BRD7: variants seen among roughly 807,000 people sequenced by gnomAD.
BRD7 encodes the protein bromodomain-containing protein 7.
Under a neutral mutation model 82.1 loss-of-function variants are expected in BRD7, and 15 were observed. The ratio of observed to expected loss-of-function variants is 0.18; its 90% CI spans 0.12 to 0.28. BRD7 has a LOEUF of 0.28. Among genes scored for constraint, BRD7 ranks in the 10% least tolerant of loss-of-function variants. BRD7 has a pLI of 1.00. For synonymous variants in BRD7, 232 were observed against 266.9 expected (o/e 0.87, Z 1.27); for missense variants, 638 against 779.9 (o/e 0.82, Z 2.17).
chr16:50,323,374 A>G (rs1464729964), intron 12 of BRD7, among the ~76,000 whole-genome samples: 2 of 152,150 alleles, frequency 1.3e-5, no homozygotes, highest in Non-Finnish European at 2.9e-5. Context: ...AGATGAGGAG[A>G]TAAGGATAAC....
At position 50,354,020 on chromosome 16, in the gene BRD7, C is replaced by T. The variant is rs115535224; in HGVS notation, c.446+405G>A. Among the ~76,000 whole-genome samples the T allele has an allele frequency of 9.0e-3, 1,373 of 152,230 alleles. 22 individuals carry two copies. Among genetic ancestry groups the T allele is most frequent in the African/African-American group, 0.031 (1,302 of 41,554 alleles). On this transcript the variant is annotated intron_variant, in intron 4 of 16. Coordinates refer to ENST00000394688, the MANE Select transcript of BRD7 (RefSeq NM_013263.5). ...TGCATTTAAAAGAAGGCCATAATTC[C>T]TATTTATGGTGTTTTATTTTTTCTC...
At chr16:50,360,921 C>A (rs1001337143) in intron 2 of BRD7, among the ~76,000 whole-genome samples, 8 of 152,148 alleles carry the variant, frequency 5.3e-5, no homozygotes, top group Middle Eastern at 3.2e-3. Flanking sequence ...GGTTTTCTGC[C>A]AAGGCAGATA....
Position 50,318,249 on chromosome 16 carries a change from G to GAATT in BRD7, c.*958_*961dup, listed in dbSNP as rs1234763373. The GAATT allele has an allele frequency of 6.6e-5, 10 of 152,140 alleles. No individual in the cohort carries two copies. Among genetic ancestry groups the GAATT allele is most frequent in the African/African-American group, 1.2e-4 (5 of 41,418 alleles). 9.4% of individuals were successfully genotyped at this position (152,140 alleles called of 1,614,324 possible). On this transcript the variant is annotated 3_prime_UTR_variant, in exon 17 of 17. Coordinates refer to ENST00000394688, the MANE Select transcript of BRD7 (RefSeq NM_013263.5). ...GCATAAGATTTTAAGTCTTTTGAGG[G>GAATT]AATTAATTTTCCTTTACCCTATTTG...
chr16:50,349,640 G>A (rs1216212265), intron 5 of BRD7: 7 of 470,640 alleles, frequency 1.5e-5, no homozygotes, highest in Admixed American at 1.2e-4. Flanking sequence ...AGCGGTGTAA[G>A]AATGGATTAA....
At chr16:50,330,051 A>T (rs1000152663) in intron 8 of BRD7, among the ~76,000 whole-genome samples, 1 of 151,872 alleles carries the variant, frequency 6.6e-6, no homozygotes, top group Non-Finnish European at 1.5e-5. Flanking sequence ...GGCATCAAAG[A>T]CTCCTCTTTT....
intron 6 of BRD7, among the ~76,000 whole-genome samples, chr16:50,337,207 C>T (rs2037838441): frequency 6.6e-6 from 1 of 150,566 alleles, no homozygotes; most frequent in Admixed American, 6.6e-5. Context: ...GCATTTTACT[C>T]AAGTATTTAT....
In BRD7 at chr16:50,323,667, A is replaced by G; in HGVS notation, c.1363T>C (p.Tyr455His). The change falls in exon 12 of 17, where the codon TAT becomes CAT. Residue 455 changes from tyrosine (Y) to histidine (H), a missense_variant. This residue lies in a region of BRD7 where 402 missense variants were observed against 500.8 expected (regional missense o/e 0.80). Coordinates refer to ENST00000394688, the MANE Select transcript of BRD7 (RefSeq NM_013263.5). ...AAACTATCTGCCATGACATACGGAT[A>G]ATCTTGGCACGTGGCCAAAAACTCA... is the stretch of plus-strand genomic sequence containing the variant. ...IHEFLATCQD[Y>H]PYVMADSLLD... The G allele has an allele frequency of 6.2e-7, 1 of 1,613,882 alleles. No individual in the cohort carries two copies. Among genetic ancestry groups the G allele is most frequent in the Non-Finnish European group, 8.5e-7 (1 of 1,179,768 alleles).
chr16:50,324,067 G>A (rs183102081), intron 11 of BRD7, among the ~76,000 whole-genome samples: 4 of 152,136 alleles, frequency 2.6e-5, no homozygotes, highest in African/African-American at 2.4e-5. Flanking sequence ...ACACCCTTTG[G>A]TGCTCCACAT....
intron 5 of BRD7, among the ~76,000 whole-genome samples, chr16:50,349,803 A>G (rs1472705629): frequency 1.3e-5 from 2 of 152,254 alleles, no homozygotes; most frequent in Admixed American, 6.5e-5. Context: ...AAATTTCGCT[A>G]AAGACAAAAA....
At chr16:50,350,207 A>G (rs2038461085) in intron 4 of BRD7, 40 bp from the exon 5 acceptor site, 5 of 1,435,240 alleles carry the variant, frequency 3.5e-6, no homozygotes, top group Non-Finnish European at 4.6e-6. Context: ...ATTTTATTCT[A>G]TTACAAACAA....
At chr16:50,321,020 T>C (rs1011196072) in intron 13 of BRD7, among the ~76,000 whole-genome samples, 2 of 152,258 alleles carry the variant, frequency 1.3e-5, no homozygotes, top group Admixed American at 6.5e-5. Context: ...ATGTATCTTA[T>C]ACAATTTATA....
At chr16:50,345,621 A>G (rs983984822) in intron 5 of BRD7, among the ~76,000 whole-genome samples, 3,213 of 104,758 alleles carry the variant, frequency 0.031, no homozygotes, top group African/African-American at 0.038. Flanking sequence ...TTGCAATCCT[A>G]GTCTCTGATA....
chr16:50,362,042 T>C (rs925693377), intron 2 of BRD7, among the ~76,000 whole-genome samples: 21 of 152,240 alleles, frequency 1.4e-4, no homozygotes, highest in Admixed American at 1.2e-3. Context: ...ATACTTCTAC[T>C]GAACTACCAT....
chr16:50,365,915 A>G (rs1459644890), intron 2 of BRD7, among the ~76,000 whole-genome samples: 2 of 152,210 alleles, frequency 1.3e-5, no homozygotes, highest in Non-Finnish European at 2.9e-5. Flanking sequence ...GAATACTTCA[A>G]GCACACAGCT....
intron 8 of BRD7, 69 bp downstream of exon 8, chr16:50,333,505 T>C: frequency 6.3e-7 from 1 of 1,577,554 alleles, no homozygotes; most frequent in South Asian, 1.1e-5. Context: ...ACGCAAGCAA[T>C]TTAAAAACTA....
At chr16:50,355,403 C>T (rs1378291786) in intron 2 of BRD7, among the ~76,000 whole-genome samples, 3 of 152,054 alleles carry the variant, frequency 2.0e-5, no homozygotes, top group Non-Finnish European at 4.4e-5. Flanking sequence ...GAAGAGTGAA[C>T]GATTAAGAAC....
intron 4 of BRD7, among the ~76,000 whole-genome samples, chr16:50,350,798 T>C (rs190380628): frequency 4.4e-4 from 67 of 152,288 alleles, no homozygotes; most frequent in Non-Finnish European, 7.9e-4. Context: ...TTCACAACAC[T>C]GGCTGTACAC....
In BRD7 at chr16:50,334,764, G is replaced by A. The variant is rs1385251899; in HGVS notation, c.834C>T (p.Asp278=). The A allele has an allele frequency of 3.2e-5, 51 of 1,613,924 alleles. 1 individual carries two copies. In the South Asian group the frequency reaches 3.5e-4, roughly 11 times the overall value. The change falls in exon 7 of 17, where the codon GAC becomes GAT. Residue 278 remains aspartate, a synonymous_variant. Transcript: ENST00000394688. ...DGGCWQRERE[D]SGDAEAHAFK... ...AGGCGTGTGCTTCGGCATCTCCAGA[G>A]TCCTCTCTCTCTCTCTGCCAGCAGC...
chr16:50,339,907 A>G (rs1163812270), intron 6 of BRD7, 69 bp downstream of exon 6: 35 of 879,742 alleles, frequency 4.0e-5, no homozygotes, highest in Non-Finnish European at 5.9e-5. Context: ...TTGTATCTGT[A>G]TTACTATGGC....
Sources: gnomAD v4.1 joint callset for allele counts (sites outside exome capture counted in the v4.1 genomes callset) on GRCh38, gnomAD v4.1.1 for gene constraint, gnomAD v4.1.1 regional missense constraint, MANE v1.5 for transcripts, NCBI Gene and HGNC (gene_info 2026-07-23, HGNC 2026-07-21) for gene names.